The following MACROD2 variants were observed in gnomAD, a reference collection of about 807,000 sequenced individuals.
MACROD2 encodes the protein mono-ADP ribosylhydrolase 2.
Under a neutral mutation model 70.4 loss-of-function variants are expected in MACROD2, and 36 were observed. The observed-to-expected ratio is 0.51, with a 90% CI of 0.39 to 0.68. MACROD2 has a LOEUF of 0.68. Ranked by LOEUF, MACROD2 falls within the 30% of genes least tolerant of loss-of-function variation. The probability of loss-of-function intolerance (pLI) is 0.00; values close to 1 mark genes in which losing one functional copy is unlikely to be tolerated. For missense variants in MACROD2, 496 were observed against 538.4 expected, an observed-to-expected ratio of 0.92 and a Z score of 0.78; for synonymous variants, 172 against 178.8, an observed-to-expected ratio of 0.96 and a Z score of 0.30.
intron 5 of MACROD2, among the ~76,000 whole-genome samples, chr20:15,142,499 A>G (rs1247792081): frequency 2.6e-5 from 4 of 152,026 alleles, no homozygotes; most frequent in African/African-American, 9.6e-5. Context: ...GTTATTTTCC[A>G]TTTTTACTAC....
intron 8 of MACROD2, among the ~76,000 whole-genome samples, chr20:15,687,356 T>C (rs2050241458): frequency 6.6e-6 from 1 of 152,010 alleles, no homozygotes; most frequent in Admixed American, 6.6e-5. Flanking sequence ...TGATAAATGA[T>C]AGCAGCTGCT....
intron 8 of MACROD2, among the ~76,000 whole-genome samples, chr20:15,728,019 A>T (rs1033382581): frequency 2.0e-5 from 3 of 152,098 alleles, no homozygotes; most frequent in African/African-American, 7.2e-5. Context: ...CCTATTTGAT[A>T]TGATGTTGGC....
chr20:15,618,776 G>T (rs2049079639), intron 8 of MACROD2, among the ~76,000 whole-genome samples: 1 of 152,168 alleles, frequency 6.6e-6, no homozygotes, highest in South Asian at 2.1e-4. Flanking sequence ...ACCTTACCCG[G>T]TGCCTAGACA....
At chr20:14,230,654 T>TATATAAA in intron 3 of MACROD2, among the ~76,000 whole-genome samples, 7,462 of 71,320 alleles carry the variant, frequency 0.1, 796 homozygotes, top group South Asian at 0.16. Context: ...TATATATATA[T>TATATAAA]AACACAGGCT....
chr20:15,419,164 A>T (rs2046194750), intron 6 of MACROD2, among the ~76,000 whole-genome samples: 1 of 152,180 alleles, frequency 6.6e-6, no homozygotes, highest in Admixed American at 6.5e-5. Context: ...GGCAAATCCC[A>T]GGTGATTACC....
intron 6 of MACROD2, among the ~76,000 whole-genome samples, chr20:15,319,304 A>G (rs918984447): frequency 6.6e-6 from 1 of 152,246 alleles, no homozygotes; most frequent in Non-Finnish European, 1.5e-5. Context: ...AAGTAATTCA[A>G]GAAGCTATAA....
At chr20:15,755,987 C>G (rs2235762) in intron 8 of MACROD2, among the ~76,000 whole-genome samples, 17,110 of 152,162 alleles carry the variant, frequency 0.11, 1,105 homozygotes, top group Admixed American at 0.14. Context: ...CAGATAAAAC[C>G]ATCTGCTCTT....
At chr20:15,178,987 GACATGGTGTGGTT>G (rs1159682479) in intron 5 of MACROD2, among the ~76,000 whole-genome samples, 1 of 152,216 alleles carries the variant, frequency 6.6e-6, no homozygotes, top group African/African-American at 2.4e-5. Flanking sequence ...GATGGAGGCA[GACATGGTGTGGTT>G]ACCTGAGCAA....
At chr20:14,060,422 A>AT (rs916603952) in intron 2 of MACROD2, among the ~76,000 whole-genome samples, 1 of 151,676 alleles carries the variant, frequency 6.6e-6, no homozygotes, top group Non-Finnish European at 1.5e-5. Context: ...GAACATGTTA[A>AT]TTTTTTTTTA....
intron 8 of MACROD2, among the ~76,000 whole-genome samples, chr20:15,831,349 T>C (rs1305038070): frequency 2.0e-5 from 3 of 152,196 alleles, no homozygotes; most frequent in Non-Finnish European, 4.4e-5. Flanking sequence ...GCATTTTTCC[T>C]ACCTTAGTCA....
At chr20:15,430,403 C>T (rs1209540238) in intron 6 of MACROD2, among the ~76,000 whole-genome samples, 1 of 152,004 alleles carries the variant, frequency 6.6e-6, no homozygotes, top group African/African-American at 2.4e-5. Context: ...TTTACATTCC[C>T]ACCAATAGTC....
rs530103898 is a variant in MACROD2, at chr20:15,065,393, C to T, written c.419-164547C>T. On this transcript the variant is annotated intron_variant, in intron 5 of 17. Transcript: ENST00000684519. ...AAAGTAGGCAGGGCGCGGTGGCTCACGCCTGTAATCCCAGCACTTTGGGAG... is the reference window on the plus strand; with the variant it reads ...AAAGTAGGCAGGGCGCGGTGGCTCATGCCTGTAATCCCAGCACTTTGGGAG... Among the ~76,000 whole-genome samples the T allele has an allele frequency of 2.5e-3, 388 of 152,232 alleles. 4 individuals are homozygous for T. Among genetic ancestry groups the T allele is most frequent in the Non-Finnish European group, 4.6e-3 (312 of 68,008 alleles).
intron 8 of MACROD2, among the ~76,000 whole-genome samples, chr20:15,589,690 C>T (rs551509155): frequency 7.4e-4 from 112 of 152,348 alleles, no homozygotes; most frequent in South Asian, 3.5e-3. Flanking sequence ...TCCCTTCCTT[C>T]CAGCAATCCC....
At chr20:14,305,538 C>T (rs2082512599) in intron 3 of MACROD2, among the ~76,000 whole-genome samples, 1 of 152,058 alleles carries the variant, frequency 6.6e-6, no homozygotes, top group Admixed American at 6.6e-5. Context: ...GTGGTGGTTA[C>T]TCTATTTCTT....
At chr20:15,935,677 T>A (rs76976161) in intron 11 of MACROD2, among the ~76,000 whole-genome samples, 2,060 of 152,250 alleles carry the variant, frequency 0.014, 46 homozygotes, top group African/African-American at 0.046. Flanking sequence ...TTCCAAAAAA[T>A]TTAACAAATA....
chr20:14,742,869 C>T (rs1391899116), intron 5 of MACROD2, among the ~76,000 whole-genome samples: 1 of 151,550 alleles, frequency 6.6e-6, no homozygotes, highest in East Asian at 1.9e-4. Flanking sequence ...CGGGTTCACG[C>T]CATTCTCCTG....
chr20:15,117,465 T>G (rs1489619828), intron 5 of MACROD2, among the ~76,000 whole-genome samples: 1 of 152,102 alleles, frequency 6.6e-6, no homozygotes, highest in Admixed American at 6.5e-5. Flanking sequence ...TTACATACAT[T>G]CTAGAGTAGA....
At chr20:15,176,967 G>T (rs1265341491) in intron 5 of MACROD2, among the ~76,000 whole-genome samples, 2 of 152,198 alleles carry the variant, frequency 1.3e-5, no homozygotes, top group Admixed American at 6.5e-5. Context: ...GCTGTGTGCA[G>T]TACATCTGGT....
In MACROD2 at chr20:14,885,129, G is replaced by A. The variant is rs181562432; in HGVS notation, c.418+200170G>A. On this transcript the variant is annotated intron_variant, in intron 5 of 17. Coordinates refer to ENST00000684519, the MANE Select transcript of MACROD2 (RefSeq NM_001351661.2). ...TTACAAACCCTACCTGTCATTGAGAGGAGTGTCAAAAAATTGGGCCATGTT... is the reference window on the plus strand; with the variant it reads ...TTACAAACCCTACCTGTCATTGAGAAGAGTGTCAAAAAATTGGGCCATGTT... 1.6e-3 allele frequency among the ~76,000 whole-genome samples: 248 copies of A among 152,180 alleles called. 2 individuals are homozygous for A. The highest frequency in any genetic ancestry group is 5.7e-3 in the African/African-American group (238 of 41,546).
Sources: allele counts gnomAD v4.1 joint callset (sites outside exome capture counted in the v4.1 genomes callset), GRCh38; gene constraint gnomAD v4.1.1; transcripts MANE v1.5; gene names NCBI Gene and HGNC (gene_info 2026-07-23, HGNC 2026-07-21).